Variants in MALAT1 observed in about 807,000 individuals in gnomAD.
MALAT1 encodes the protein metastasis associated lung adenocarcinoma transcript 1.
At chr11:65,503,712 C>T (rs1347509549) in exon 3 of MALAT1, 5 of 517,360 alleles carry the variant, frequency 9.7e-6, no homozygotes, top group African/African-American at 3.9e-5. Context: ...GGGGGGGATT[C>T]TTCTCTAATC....
chr11:65,501,607 T>C (rs1417669213), exon 3 of MALAT1: 1 of 518,804 alleles, frequency 1.9e-6, no homozygotes, highest in Non-Finnish European at 3.8e-6. Flanking sequence ...TATAGTACTA[T>C]TGACAAACTG....
chr11:65,499,197 TAA>T (rs1212979256), exon 3 of MALAT1: 4 of 504,420 alleles, frequency 7.9e-6, no homozygotes, highest in Admixed American at 4.2e-5. Context: ...TGCTTAGCGT[TAA>T]GTTTTTAACG....
chr11:65,498,237 G>A (rs376877028), intron 1 of MALAT1: 145 of 518,790 alleles, frequency 2.8e-4, no homozygotes, highest in African/African-American at 2.5e-3. Context: ...ACTTTAAAAG[G>A]CCACTTGAAC....
At chr11:65,504,163 G>A (rs1170422680) in intron 3 of MALAT1, 3 of 516,756 alleles carry the variant, frequency 5.8e-6, no homozygotes, top group Non-Finnish European at 1.2e-5. Flanking sequence ...AGCCATTCAG[G>A]ATTTTGAATT....
exon 3 of MALAT1, chr11:65,502,831 T>G (rs759400669): frequency 4.0e-6 from 2 of 506,210 alleles, no homozygotes; most frequent in Non-Finnish European, 7.9e-6. Context: ...CCAAAAAATT[T>G]TAAGCAAATG....
At chr11:65,499,608 T>C (rs1364346545) in exon 3 of MALAT1, 1 of 450,864 alleles carries the variant, frequency 2.2e-6, no homozygotes, top group African/African-American at 2.0e-5. Flanking sequence ...AATGGAAAGA[T>C]TAATTGGGAG....
exon 3 of MALAT1, chr11:65,502,588 G>A (rs866013110): frequency 1.7e-5 from 8 of 483,092 alleles, no homozygotes; most frequent in African/African-American, 8.1e-5. Flanking sequence ...GTCTCTTAGA[G>A]GGTGGGCTTT....
intron 1 of MALAT1, chr11:65,498,101 A>C (rs377207535): frequency 3.9e-6 from 2 of 518,820 alleles, no homozygotes; most frequent in Non-Finnish European, 7.7e-6. Context: ...CATAACACAG[A>C]ATCTGCAAAA....
At chr11:65,498,055 C>T (rs1184535371) in intron 1 of MALAT1, 1 of 518,910 alleles carries the variant, frequency 1.9e-6, no homozygotes, top group Non-Finnish European at 3.8e-6. Flanking sequence ...TCTTCCTGCT[C>T]CGGTTCAGAA....
chr11:65,504,109 G>GTT (rs1415762263), intron 3 of MALAT1: 1 of 516,924 alleles, frequency 1.9e-6, no homozygotes, highest in Non-Finnish European at 3.9e-6. Flanking sequence ...TGCCTGTGGG[G>GTT]TTTTAAAGAA....
chr11:65,500,819 C>T lies in MALAT1; in HGVS notation n.2082C>T, dbSNP rs189575055. 176 of 518,834 alleles carry T rather than the reference C, an allele frequency of 3.4e-4. 1 individual carries two copies. The highest frequency in any genetic ancestry group is 2.9e-3 in the African/African-American group (151 of 52,004). The allele number at this position is 518,834 out of a possible 1,614,324, so 32.1% of individuals were successfully genotyped here. ...TTTTTCTGGAACTTACTTATGGTAACCTTTTATTTATTTTCTAATATAATG... is the reference window on the plus strand; with the variant it reads ...TTTTTCTGGAACTTACTTATGGTAATCTTTTATTTATTTTCTAATATAATG... On this transcript the variant is annotated non_coding_transcript_exon_variant, in exon 3 of 4. Coordinates refer to ENST00000619449, the Ensembl canonical transcript of MALAT1.
Position 65,504,768 on chromosome 11 carries a change from T to C in MALAT1, n.5168+863T>C, listed in dbSNP as rs780099146. 8 of 519,012 alleles carry C rather than the reference T, an allele frequency of 1.5e-5. No homozygotes were observed. In the East Asian group the frequency reaches 4.4e-4, roughly 28 times the overall value. 32.2% of individuals were successfully genotyped at this position (519,012 alleles called of 1,614,324 possible). ...CAGTTCAGTGATCTTTAGTGCATTG[T>C]TTATGTGTGGGTTTCTCTCTCCCCT... On this transcript the variant is annotated intron_variant and non_coding_transcript_variant, in intron 3 of 3. Coordinates refer to ENST00000619449, the Ensembl canonical transcript of MALAT1.
At chr11:65,498,778 C>A (rs752351378) in intron 2 of MALAT1, 1 of 518,750 alleles carries the variant, frequency 1.9e-6, no homozygotes, top group Non-Finnish European at 3.8e-6. Context: ...TTTGATGACC[C>A]GTTTAAAATA....
chr11:65,503,189 CAG>C (rs766914316), exon 3 of MALAT1: 9 of 512,474 alleles, frequency 1.8e-5, no homozygotes, highest in South Asian at 5.6e-5. Context: ...CAGCTGTTAA[CAG>C]ATAAGTTTAA....
chr11:65,498,095 A>C (rs1409765635), intron 1 of MALAT1: 2 of 518,960 alleles, frequency 3.9e-6, no homozygotes, highest in Admixed American at 3.9e-5. Flanking sequence ...ACCAGGCATA[A>C]CACAGAATCT....
exon 3 of MALAT1, chr11:65,502,016 C>T (rs1442795400): frequency 9.7e-6 from 5 of 516,176 alleles, no homozygotes; most frequent in African/African-American, 7.7e-5. Flanking sequence ...AAGTAACTCC[C>T]AATGATTTAG....
chr11:65,505,614 C>G (rs1289986834), intron 3 of MALAT1: 2 of 518,974 alleles, frequency 3.9e-6, no homozygotes, highest in Non-Finnish European at 7.7e-6. Context: ...CACCTCGATG[C>G]AGCCAGTAGC....
At chr11:65,499,282 A>C (rs1399086416) in exon 3 of MALAT1, 1 of 513,398 alleles carries the variant, frequency 1.9e-6, no homozygotes, top group Non-Finnish European at 3.9e-6. Flanking sequence ...GGAAAAGATA[A>C]AAGGTTTCTA....
exon 3 of MALAT1, chr11:65,499,649 A>G (rs760472245): frequency 2.3e-6 from 1 of 437,870 alleles, no homozygotes; most frequent in South Asian, 1.7e-5. Flanking sequence ...GAGAAGATAG[A>G]AGTTTGAAGT....
Sources: gnomAD v4.1 joint callset for allele counts on GRCh38, gnomAD v4.1.1 for gene constraint, MANE v1.5 for transcripts, NCBI Gene and HGNC (gene_info 2026-07-23, HGNC 2026-07-21) for gene names.